Variants in IMMP2L observed in about 807,000 individuals in gnomAD.
The protein encoded by IMMP2L is mitochondrial inner membrane protease subunit 2.
In IMMP2L, 18 loss-of-function variants were observed where a neutral mutation model predicts 19.3. The ratio of observed to expected loss-of-function variants is 0.93; its 90% CI spans 0.64 to 1.38. The LOEUF is 1.38. Among genes scored for constraint, IMMP2L ranks in the 40% most tolerant of loss-of-function variants. IMMP2L has a pLI of 0.00. For missense variants in IMMP2L, 233 were observed against 218.2 expected, an observed-to-expected ratio of 1.07 and a Z score of -0.43; for synonymous variants, 76 against 73.0, an observed-to-expected ratio of 1.04 and a Z score of -0.21.
chr7:110,895,718 T>C (rs1410205525), intron 4 of IMMP2L, among the ~76,000 whole-genome samples: 5 of 152,320 alleles, frequency 3.3e-5, no homozygotes. Context: ...GTTGTGGGAC[T>C]GATAGCATAA....
intron 5 of IMMP2L, among the ~76,000 whole-genome samples, chr7:110,862,115 C>T (rs1807491455): frequency 6.6e-6 from 1 of 151,978 alleles, no homozygotes; most frequent in Admixed American, 6.6e-5. Flanking sequence ...ATAAGCAACA[C>T]ATATTACACT....
chr7:110,953,591 C>T (rs1260761522), intron 4 of IMMP2L, among the ~76,000 whole-genome samples: 1 of 151,922 alleles, frequency 6.6e-6, no homozygotes. Context: ...AGGTTGGTTC[C>T]AAGTCTTTGC....
intron 3 of IMMP2L, among the ~76,000 whole-genome samples, chr7:111,072,171 T>A (rs2129575469): frequency 6.6e-6 from 1 of 152,296 alleles, no homozygotes; most frequent in Admixed American, 6.5e-5. Flanking sequence ...CGGAATGGAA[T>A]TCCAACTAGT....
At chr7:111,210,344 A>C (rs1811177946) in intron 3 of IMMP2L, among the ~76,000 whole-genome samples, 1 of 152,118 alleles carries the variant, frequency 6.6e-6, no homozygotes, top group South Asian at 2.1e-4. Context: ...CATCAGCTTA[A>C]AGTTTTCAAG....
At chr7:110,833,905 C>T (rs1484031057) in intron 5 of IMMP2L, among the ~76,000 whole-genome samples, 2 of 152,134 alleles carry the variant, frequency 1.3e-5, no homozygotes, top group African/African-American at 2.4e-5. Flanking sequence ...CTCTCATTTA[C>T]TTACCAGCCT....
At chr7:110,664,581 G>T (rs1323433257) in intron 5 of IMMP2L, among the ~76,000 whole-genome samples, 1 of 152,036 alleles carries the variant, frequency 6.6e-6, no homozygotes, top group Non-Finnish European at 1.5e-5. Flanking sequence ...CATCAATTTC[G>T]GTGAACAGGA....
At chr7:111,254,227 C>G (rs1562971273) in intron 3 of IMMP2L, among the ~76,000 whole-genome samples, 1 of 151,150 alleles carries the variant, frequency 6.6e-6, no homozygotes, top group African/African-American at 2.4e-5. Flanking sequence ...TGTTTCTTGT[C>G]TTTTGTTTTG....
At chr7:111,259,939 C>T (rs934228919) in intron 3 of IMMP2L, among the ~76,000 whole-genome samples, 1 of 152,036 alleles carries the variant, frequency 6.6e-6, no homozygotes, top group Admixed American at 6.6e-5. Flanking sequence ...TGTCTTCTAC[C>T]TCCACATCTT....
In IMMP2L at chr7:110,916,693, T is replaced by C. The variant is rs1813649870; in HGVS notation, c.306-29998A>G. 2.0e-5 allele frequency among the ~76,000 whole-genome samples: 3 copies of C among 152,240 alleles called. No individual in the cohort carries two copies. The South Asian group carries it at 6.2e-4, about 31-fold the overall frequency. ...ATTGTAAGAGCAAAAATAATGTATG[T>C]TTTCTTTGCTTGTGGCAGTTTTATT... On this transcript the variant is annotated intron_variant, in intron 4 of 5. Transcript: ENST00000405709.
intron 3 of IMMP2L, among the ~76,000 whole-genome samples, chr7:111,226,700 T>A (rs906565636): frequency 6.6e-6 from 1 of 152,100 alleles, no homozygotes; most frequent in African/African-American, 2.4e-5. Context: ...AAATAAGAAA[T>A]AAATTTTAAC....
At chr7:111,500,376 G>C (rs1472590472) in intron 2 of IMMP2L, among the ~76,000 whole-genome samples, 1 of 152,150 alleles carries the variant, frequency 6.6e-6, no homozygotes, top group East Asian at 1.9e-4. Context: ...TCCACCTCTG[G>C]GGGCAGGGCA....
chr7:111,433,729 C>T (rs1836864002), intron 3 of IMMP2L, among the ~76,000 whole-genome samples: 1 of 151,560 alleles, frequency 6.6e-6, no homozygotes, highest in South Asian at 2.1e-4. Flanking sequence ...TGGGTGGGGA[C>T]ACAGAACAAA....
intron 3 of IMMP2L, among the ~76,000 whole-genome samples, chr7:111,349,031 C>A (rs952840178): frequency 6.6e-6 from 1 of 152,104 alleles, no homozygotes; most frequent in Admixed American, 6.6e-5. Flanking sequence ...AGCTTGCATG[C>A]AGAACACATC....
At chr7:111,102,581 T>C (rs1422435103) in intron 3 of IMMP2L, among the ~76,000 whole-genome samples, 1 of 151,600 alleles carries the variant, frequency 6.6e-6, no homozygotes, top group Non-Finnish European at 1.5e-5. Context: ...TTTTGTTTTG[T>C]TTAAATCAGT....
chr7:110,935,943 T>C (rs187871101), intron 4 of IMMP2L, among the ~76,000 whole-genome samples: 17 of 152,256 alleles, frequency 1.1e-4, no homozygotes, highest in African/African-American at 3.4e-4. Flanking sequence ...AAGCAAGCAA[T>C]GGGGAAAGGA....
chr7:110,836,130 G>T (rs1804448871), intron 5 of IMMP2L, among the ~76,000 whole-genome samples: 1 of 152,110 alleles, frequency 6.6e-6, no homozygotes, highest in Non-Finnish European at 1.5e-5. Flanking sequence ...ATGTGACCTG[G>T]TGGAATGAAA....
chr7:111,511,097 A>G (rs542293046), intron 2 of IMMP2L, among the ~76,000 whole-genome samples: 3 of 152,148 alleles, frequency 2.0e-5, no homozygotes, highest in Non-Finnish European at 2.9e-5. Flanking sequence ...TGATATCAGG[A>G]AAGATTAAAA....
At chr7:111,517,029 T>C (rs991846471) in intron 2 of IMMP2L, among the ~76,000 whole-genome samples, 6 of 152,060 alleles carry the variant, frequency 3.9e-5, no homozygotes, top group Admixed American at 3.3e-4. Context: ...TTCTTAAGAG[T>C]CTGTATCCAG....
chr7:111,011,070 A>G (rs938009535), intron 3 of IMMP2L, among the ~76,000 whole-genome samples: 3 of 152,098 alleles, frequency 2.0e-5, no homozygotes, highest in African/African-American at 7.2e-5. Flanking sequence ...AATCCTTGGC[A>G]AAGGGCTGTA....
Sources: allele counts gnomAD v4.1 joint callset (sites outside exome capture counted in the v4.1 genomes callset), GRCh38; gene constraint gnomAD v4.1.1; transcripts MANE v1.5; gene names NCBI Gene and HGNC (gene_info 2026-07-23, HGNC 2026-07-21).